The following CCDC39 variants were observed in gnomAD, a reference collection of about 807,000 sequenced individuals.
CCDC39 encodes the protein coiled-coil domain 39 molecular ruler complex subunit, also known as coiled-coil domain-containing protein 39.
CCDC39 carries 113 observed loss-of-function variants against 121.0 expected under a neutral mutation model. The observed-to-expected ratio is 0.93, with a 90% confidence interval of 0.80 to 1.09. The LOEUF is 1.09. Ranked by LOEUF, CCDC39 falls within the 50% of genes least tolerant of loss-of-function variation. The pLI is 0.00. For synonymous variants in CCDC39, 349 were observed against 352.2 expected, an observed-to-expected ratio of 0.99 and a Z score of 0.10; for missense variants, 1,063 against 1,074.7, an observed-to-expected ratio of 0.99 and a Z score of 0.15.
rs1458933272 is a variant in CCDC39 at position 180,644,242 on chromosome 3, T to C, written c.1543A>G (p.Ile515Val). 3.9e-6 allele frequency: 6 copies of C among 1,523,466 alleles called. No individual in the cohort carries two copies. The highest frequency in any genetic ancestry group is 4.4e-6 in the Non-Finnish European group (5 of 1,135,746). 94.4% of individuals were successfully genotyped at this position (1,523,466 alleles called of 1,614,324 possible). ...IKKLHNDLYF[I>V]KKAHSKNSDE... Reference sequence around the variant, plus strand: ...CTGTTTTTACTATGTGCCTTCTTGATAAAATAAAGATCATTCTGCAAAAAA... The same window carrying C: ...CTGTTTTTACTATGTGCCTTCTTGACAAAATAAAGATCATTCTGCAAAAAA... The change falls in exon 12 of 20, where the codon ATC (isoleucine) becomes GTC (valine). Residue 515 changes from isoleucine (I) to valine (V), a missense_variant. By Grantham distance (29) the Ile-to-Val change is conservative. Transcript: ENST00000476379.
chr3:180,678,441 T>C (rs910541262), intron 1 of CCDC39, among the ~76,000 whole-genome samples: 1 of 152,310 alleles, frequency 6.6e-6, no homozygotes, highest in East Asian at 1.9e-4. Flanking sequence ...TTGGACCTTC[T>C]TCTACACAAC....
At chr3:180,666,002 T>C (rs1346036620) in intron 1 of CCDC39, among the ~76,000 whole-genome samples, 1 of 152,196 alleles carries the variant, frequency 6.6e-6, no homozygotes, top group Non-Finnish European at 1.5e-5. Context: ...TAACCATTGC[T>C]ATGTGTACAG....
chr3:180,629,317 C>T (rs1717639384), intron 14 of CCDC39, among the ~76,000 whole-genome samples: 3 of 152,188 alleles, frequency 2.0e-5, no homozygotes, highest in Non-Finnish European at 4.4e-5. Flanking sequence ...GTTATCTTTT[C>T]TACAGAGCAG....
chr3:180,631,369 T>C, intron 14 of CCDC39, 100 bp downstream of exon 14: 1 of 1,107,524 alleles, frequency 9.0e-7, no homozygotes, highest in Non-Finnish European at 1.3e-6. Flanking sequence ...GAGGGAAAGT[T>C]GCAATATTGT....
chr3:180,650,477 C>A (rs976143425), intron 9 of CCDC39, among the ~76,000 whole-genome samples: 3 of 151,984 alleles, frequency 2.0e-5, no homozygotes, highest in African/African-American at 4.8e-5. Flanking sequence ...ATGCAATATA[C>A]AAATAGATAT....
chr3:180,617,497 C>T, intron 16 of CCDC39: 1 of 673,812 alleles, frequency 1.5e-6, no homozygotes, highest in Non-Finnish European at 2.7e-6. Flanking sequence ...GTTACTGACC[C>T]TGAAGACCTT....
chr3:180,641,921 G>C, intron 13 of CCDC39, 72 bp downstream of exon 13: 1 of 1,080,230 alleles, frequency 9.3e-7, no homozygotes, highest in Non-Finnish European at 1.3e-6. Context: ...CGGGATGTTA[G>C]AGGGGGCAGC....
intron 7 of CCDC39, among the ~76,000 whole-genome samples, chr3:180,653,855 C>T (rs1202963706): frequency 6.6e-6 from 1 of 152,082 alleles, no homozygotes; most frequent in African/African-American, 2.4e-5. Flanking sequence ...CTCCTGTATA[C>T]TTTAAATAAT....
intron 1 of CCDC39, among the ~76,000 whole-genome samples, chr3:180,677,213 T>TATATAA (rs1712259850): frequency 9.0e-6 from 1 of 111,466 alleles, no homozygotes; most frequent in African/African-American, 3.3e-5. Context: ...TATATATATA[T>TATATAA]ATAAAATCAC....
chr3:180,664,323 C>T (rs1711818063), intron 1 of CCDC39, among the ~76,000 whole-genome samples: 1 of 152,116 alleles, frequency 6.6e-6, no homozygotes, highest in Non-Finnish European at 1.5e-5. Flanking sequence ...CTTAAAAGAG[C>T]ACCAACACCA....
chr3:180,626,020 C>T lies in CCDC39; in HGVS notation c.1998+5449G>A, dbSNP rs955182489. 2.0e-5 allele frequency among the ~76,000 whole-genome samples: 3 copies of T among 151,936 alleles called. No homozygotes were observed. The East Asian group carries it at 5.8e-4, about 29-fold the overall frequency. On this transcript the variant is annotated intron_variant, in intron 14 of 19. Transcript: ENST00000476379. Reference sequence around the variant, plus strand: ...TGGGCCCGACATGCAGGCGGGTTTTCAGGCCCCTGGGCAGCTGGTGTGATG... The same window carrying T: ...TGGGCCCGACATGCAGGCGGGTTTTTAGGCCCCTGGGCAGCTGGTGTGATG...
In CCDC39 at chr3:180,654,948, T is replaced by G. The variant is rs1711546900; in HGVS notation, c.744A>C (p.Leu248Phe). 6.5e-7 allele frequency: 1 copy of G among 1,541,854 alleles called. No individual in the cohort carries two copies. The highest frequency in any genetic ancestry group is 2.4e-5 in the East Asian group (1 of 42,368). Residue 248 changes from leucine (L) to phenylalanine (F), a missense_variant, in exon 7 of 20, where the codon TTA becomes TTC. Physicochemically the swap from Leu to Phe is conservative, Grantham distance 22. Transcript: ENST00000476379. ...DGDIDNCALE[L>F]ARIKQETREK... ...CTCTCGTTTCCTGCTTTATCCTTGC[T>G]AATTCCTAGGATTAAAACAAATATG...
chr3:180,625,687 G>C (rs1717542647), intron 14 of CCDC39, among the ~76,000 whole-genome samples: 1 of 152,110 alleles, frequency 6.6e-6, no homozygotes, highest in African/African-American at 2.4e-5. Context: ...TGTAGTTGGT[G>C]TTTTGATGTG....
At chr3:180,631,375 AT>A in intron 14 of CCDC39, 93 bp downstream of exon 14, 1 of 1,188,606 alleles carries the variant, frequency 8.4e-7, no homozygotes, top group Non-Finnish European at 1.2e-6. Flanking sequence ...AAGTTGCAAT[AT>A]TGTTGTTTTT....
chr3:180,640,249 A>T (rs575872413), intron 13 of CCDC39, among the ~76,000 whole-genome samples: 1 of 152,096 alleles, frequency 6.6e-6, no homozygotes, highest in Non-Finnish European at 1.5e-5. Context: ...TTTAAAAAGT[A>T]AAGTCTATGA....
In CCDC39 at chr3:180,616,574, A is replaced by G. The variant is rs1213159340; in HGVS notation, c.2528T>C (p.Val843Ala). The G allele has an allele frequency of 6.2e-7, 1 of 1,602,854 alleles. No homozygotes were observed. The change falls in exon 18 of 20, where the codon GTT (valine) becomes GCT (alanine). Residue 843 changes from valine to alanine, a missense_variant. Physicochemically the swap from Val to Ala is moderately conservative, Grantham distance 64. Coordinates refer to ENST00000476379, the MANE Select transcript of CCDC39 (RefSeq NM_181426.2). ...CTCAGTATTTTCTTCTATGATATCA[A>G]CTAACATTTCATCAATAACTTTGTG... ...QFHKVIDEMLVDIIEENTEIR... is the reference protein window; with the variant it reads ...QFHKVIDEMLADIIEENTEIR...
At chr3:180,659,858 T>C in intron 4 of CCDC39, 89 bp from the exon 5 acceptor site, 1 of 722,522 alleles carries the variant, frequency 1.4e-6, no homozygotes, top group African/African-American at 1.8e-5. Context: ...AGTATTACAC[T>C]ATACATTTAC....
intron 13 of CCDC39, among the ~76,000 whole-genome samples, chr3:180,635,464 T>C (rs918236720): frequency 2.6e-5 from 4 of 152,142 alleles, no homozygotes; most frequent in African/African-American, 9.7e-5. Flanking sequence ...TATGAGCCTG[T>C]AAAATAAAAA....
intron 1 of CCDC39, among the ~76,000 whole-genome samples, chr3:180,671,355 C>T (rs1455038216): frequency 6.6e-6 from 1 of 152,028 alleles, no homozygotes; most frequent in African/African-American, 2.4e-5. Context: ...AATATGACTG[C>T]AAAACTGCCT....
Sources: allele counts gnomAD v4.1 joint callset (sites outside exome capture counted in the v4.1 genomes callset), GRCh38; gene constraint gnomAD v4.1.1; transcripts MANE v1.5; gene names NCBI Gene and HGNC (gene_info 2026-07-23, HGNC 2026-07-21).